The following STRADB variants were observed in gnomAD, a reference collection of about 807,000 sequenced individuals.
The protein encoded by STRADB is STE20 related adaptor beta.
STRADB carries 34 observed loss-of-function variants against 52.1 expected under a neutral mutation model. The observed-to-expected ratio is 0.65, with a 90% CI of 0.50 to 0.87. The LOEUF is 0.87. STRADB is among the 40% of genes least tolerant of loss of function. The pLI is 0.00. For synonymous variants in STRADB, 133 were observed against 174.5 expected (o/e 0.76, Z 1.87); for missense variants, 340 against 483.9 (o/e 0.70, Z 2.79).
At chr2:201,473,839 A>T (rs1952428525) in intron 5 of STRADB, among the ~76,000 whole-genome samples, 1 of 147,562 alleles carries the variant, frequency 6.8e-6, no homozygotes, top group Admixed American at 6.7e-5. Context: ...GTCACTAATC[A>T]TTTTTTATAT....
chr2:201,472,239 C>G (rs913826284), intron 4 of STRADB, among the ~76,000 whole-genome samples: 1 of 152,178 alleles, frequency 6.6e-6, no homozygotes, highest in Admixed American at 6.5e-5. Context: ...CATGACCCAG[C>G]AATCTCACTC....
At chr2:201,475,473 C>G (rs1952457848) in intron 6 of STRADB, 146 bp from the exon 7 acceptor site, 1 of 854,884 alleles carries the variant, frequency 1.2e-6, no homozygotes, top group Non-Finnish European at 1.8e-6. Context: ...GAAAGAAAAT[C>G]ATGTTTGTGT....
At chr2:201,474,080 C>T (rs941946110) in intron 5 of STRADB, among the ~76,000 whole-genome samples, 7 of 151,880 alleles carry the variant, frequency 4.6e-5, no homozygotes, top group African/African-American at 7.3e-5. Flanking sequence ...TTAGTAGAGA[C>T]GGGGTTTCAC....
intron 6 of STRADB, 56 bp downstream of exon 6, chr2:201,474,811 ATGAGT>A: frequency 4.6e-6 from 6 of 1,296,482 alleles, no homozygotes; most frequent in Non-Finnish European, 6.4e-6. Context: ...AATTATATAG[ATGAGT>A]TGGGATTTTA....
chr2:201,465,009 C>T (rs1952276893), intron 3 of STRADB, among the ~76,000 whole-genome samples: 1 of 152,204 alleles, frequency 6.6e-6, no homozygotes, highest in African/African-American at 2.4e-5. Flanking sequence ...ACCCTTTAGC[C>T]CAGGGCCAGT....
chr2:201,456,960 A>G (rs1952137667), intron 2 of STRADB, among the ~76,000 whole-genome samples: 1 of 152,216 alleles, frequency 6.6e-6, no homozygotes, highest in African/African-American at 2.4e-5. Context: ...CTTGGACTTA[A>G]GGTTTTTATT....
intron 4 of STRADB, 161 bp from the exon 5 acceptor site, chr2:201,472,794 A>G: frequency 1.7e-6 from 1 of 582,912 alleles, no homozygotes; most frequent in South Asian, 4.3e-5. Flanking sequence ...TTTTAATTGG[A>G]TTGCTTGATA....
intron 7 of STRADB, among the ~76,000 whole-genome samples, chr2:201,476,464 C>G (rs1952474207): frequency 6.6e-6 from 1 of 151,288 alleles, no homozygotes; most frequent in Non-Finnish European, 1.5e-5. Flanking sequence ...ATTGGCCATC[C>G]TCCTCTGTTA....
intron 11 of STRADB, 24 bp from the exon 12 acceptor site, chr2:201,480,008 C>A (rs961912387): frequency 5.6e-6 from 9 of 1,613,004 alleles, no homozygotes; most frequent in African/African-American, 1.3e-5. Flanking sequence ...ATATCAACAG[C>A]CTTATTTTGA....
Position 201,470,007 on chromosome 2 carries a change from C to T in STRADB, c.148C>T (p.Leu50=), listed in dbSNP as rs1037751673. The change falls in exon 4 of 12, where the codon CTA becomes TTA. Residue 50 remains leucine, a synonymous_variant. Coordinates refer to ENST00000194530, the MANE Select transcript of STRADB (RefSeq NM_018571.6). The part of the protein sequence containing the change: ...SRPSTRASEV[L]CSTNVSHYEL... ...TCCATCCACTAGAGCCAGTGAAGTA[C>T]TATGTTCCACCAACGTTTCTCACTA... 6.2e-7 allele frequency: 1 copy of T among 1,614,086 alleles called. No homozygotes were observed. Among genetic ancestry groups the T allele is most frequent in the African/African-American group, 1.3e-5 (1 of 75,046 alleles).
intron 3 of STRADB, among the ~76,000 whole-genome samples, chr2:201,459,748 C>T (rs1407192312): frequency 1.3e-5 from 2 of 152,194 alleles, no homozygotes; most frequent in African/African-American, 4.8e-5. Flanking sequence ...AGCTTTGAAA[C>T]TTCCATTGGC....
At chr2:201,479,844 TAAG>T (rs1332045070) in intron 11 of STRADB, among the ~76,000 whole-genome samples, 185 bp from the exon 12 acceptor site, 1 of 152,234 alleles carries the variant, frequency 6.6e-6, no homozygotes. Context: ...GTAACTCTGA[TAAG>T]AAGTCAGTTT....
chr2:201,473,929 C>T (rs183469317), intron 5 of STRADB, among the ~76,000 whole-genome samples: 341 of 142,188 alleles, frequency 2.4e-3, no homozygotes, highest in Non-Finnish European at 2.8e-3. Context: ...CTTGCTCAGT[C>T]GCCCAGGCTG....
At chr2:201,469,470 G>A (rs1952356274) in intron 3 of STRADB, among the ~76,000 whole-genome samples, 1 of 152,056 alleles carries the variant, frequency 6.6e-6, no homozygotes, top group South Asian at 2.1e-4. Flanking sequence ...GATTCATCTT[G>A]CAAAAAACTT....
chr2:201,478,731 T>C (rs1248563560), intron 10 of STRADB, 130 bp downstream of exon 10: 1 of 1,102,418 alleles, frequency 9.1e-7, no homozygotes, highest in Non-Finnish European at 1.3e-6. Flanking sequence ...AAAATATCAA[T>C]GCTAAGAACA....
intron 7 of STRADB, among the ~76,000 whole-genome samples, chr2:201,476,782 C>G (rs2125682893): frequency 6.7e-6 from 1 of 150,372 alleles, no homozygotes; most frequent in South Asian, 2.1e-4. Context: ...TGAGACTAGC[C>G]TGGCCAAGAT....
At chr2:201,461,139 T>C (rs1952209021) in intron 3 of STRADB, among the ~76,000 whole-genome samples, 1 of 152,174 alleles carries the variant, frequency 6.6e-6, no homozygotes, top group East Asian at 1.9e-4. Context: ...TTGGGCACTT[T>C]TTCATGTACC....
At chr2:201,468,867 A>G (rs572942318) in intron 3 of STRADB, among the ~76,000 whole-genome samples, 1 of 152,358 alleles carries the variant, frequency 6.6e-6, no homozygotes, top group East Asian at 1.9e-4. Flanking sequence ...TACCTGTTTT[A>G]AAGAAACTGA....
At position 201,473,067 on chromosome 2, in the gene STRADB, A is replaced by G; in HGVS notation, c.306A>G (p.Lys102=). 4 of 1,612,520 alleles carry G rather than the reference A, an allele frequency of 2.5e-6. No individual in the cohort carries two copies. Among genetic ancestry groups the G allele is most frequent in the Non-Finnish European group, 1.7e-6 (2 of 1,179,540 alleles). ...AAAACTGCAATGAAGAACGCCTGAA[A>G]GCTTTACAGGTAACAATATGAAGAA... ...NLENCNEERL[K]ALQKAVILSH... is the part of the protein sequence containing the mutation. The change falls in exon 5 of 12, where the codon AAA becomes AAG. Residue 102 remains lysine (K), a synonymous_variant. Transcript: ENST00000194530.
Sources: allele counts gnomAD v4.1 joint callset (sites outside exome capture counted in the v4.1 genomes callset), GRCh38; gene constraint gnomAD v4.1.1; transcripts MANE v1.5; gene names NCBI Gene and HGNC (gene_info 2026-07-23, HGNC 2026-07-21).